HTR6: variants seen among roughly 807,000 people sequenced by gnomAD.
The protein encoded by HTR6 is 5-hydroxytryptamine receptor 6.
In HTR6, 15 loss-of-function variants were observed where a neutral mutation model predicts 17.4. The ratio of observed to expected loss-of-function variants is 0.86; its 90% CI spans 0.58 to 1.33. The LOEUF is 1.33. Ranked by LOEUF, HTR6 falls within the 40% of genes most tolerant of loss-of-function variation. The pLI, the probability that HTR6 is intolerant of heterozygous loss-of-function variation, is 0.00. For missense variants in HTR6, 578 were observed against 616.0 expected, an observed-to-expected ratio of 0.94 and a Z score of 0.65; for synonymous variants, 326 against 295.5, an observed-to-expected ratio of 1.10 and a Z score of -1.06.
intron 1 of HTR6, among the ~76,000 whole-genome samples, chr1:19,669,037 G>A (rs182724058): frequency 7.2e-5 from 11 of 152,314 alleles, no homozygotes; most frequent in Admixed American, 2.0e-4. Flanking sequence ...ATGGGCTGAC[G>A]TGCTCACTCT....
At position 19,665,963 on chromosome 1, in the gene HTR6, G is replaced by C. The variant is rs201400804; in HGVS notation, c.210G>C (p.Thr70=). ...TSNFFLVSLF[T]SDLMVGLVVM... is the part of the protein sequence containing the mutation. ...ACTTCTTCCTGGTGTCGCTCTTCAC[G>C]TCTGACCTGATGGTGGGGCTGGTGG... The change falls in exon 1 of 3, where the codon ACG becomes ACC. Residue 70 remains threonine (T), a synonymous_variant. Coordinates refer to ENST00000289753, the MANE Select transcript of HTR6 (RefSeq NM_000871.3). This position sits in a 1 kb window ranked among gnomAD's most constrained non-coding sequence, Gnocchi z 4.2. 6.2e-7 allele frequency: 1 copy of C among 1,613,924 alleles called. No homozygotes were observed. Among genetic ancestry groups the C allele is most frequent in the Non-Finnish European group, 8.5e-7 (1 of 1,179,890 alleles).
rs758952783 is a variant in HTR6, at chr1:19,679,121, G to GC, written c.1081dup (p.Arg361ProfsTer5). Reference sequence around the variant, plus strand: ...CCATCACTGCGCACCTCTCACAGCGGCCCCCGGCCCGGCCTTAGCCTACAG... The same window carrying GC: ...CCATCACTGCGCACCTCTCACAGCGGCCCCCCGGCCCGGCCTTAGCCTACAG... On this transcript the variant is annotated frameshift_variant, in exon 3 of 3. Coordinates refer to ENST00000289753, the MANE Select transcript of HTR6 (RefSeq NM_000871.3). LOFTEE classifies it low-confidence loss of function (END_TRUNC). The surrounding 1 kb of genome is among the most constrained non-coding windows in gnomAD (Gnocchi z 4.9). 2 of 1,611,800 alleles carry GC rather than the reference G, an allele frequency of 1.2e-6. No individual in the cohort carries two copies. The highest frequency in any genetic ancestry group is 2.2e-5 in the East Asian group (1 of 44,840).
rs1039684050 is a variant in HTR6, at chr1:19,666,584, T to C, written c.714+117T>C. The C allele has an allele frequency of 4.1e-6, 3 of 729,986 alleles. No homozygotes were observed. Among genetic ancestry groups the C allele is most frequent in the South Asian group, 3.8e-5 (2 of 53,200 alleles). 45.2% of individuals were successfully genotyped at this position (729,986 alleles called of 1,614,324 possible). On this transcript the variant is annotated intron_variant, in intron 1 of 2. Coordinates refer to ENST00000289753, the MANE Select transcript of HTR6 (RefSeq NM_000871.3). The surrounding 1 kb of genome is among the most constrained non-coding windows in gnomAD (Gnocchi z 4.5). ...TTTGCTCATGGCCCTGCGTGGCTGT[T>C]GTGAGCGCCCACCTTTCTTCTGAAC...
chr1:19,675,328 C>T (rs1437777318), intron 1 of HTR6, among the ~76,000 whole-genome samples: 1 of 152,114 alleles, frequency 6.6e-6, no homozygotes, highest in Non-Finnish European at 1.5e-5. Context: ...GTAGTAAGTG[C>T]TCGAGAAATG....
At position 19,666,358 on chromosome 1, in the gene HTR6, G is replaced by T. The variant is rs150139857; in HGVS notation, c.605G>T (p.Gly202Val). The change falls in exon 1 of 3, where the codon GGT becomes GTT. Residue 202 changes from glycine to valine, a missense_variant. Coordinates refer to ENST00000289753, the MANE Select transcript of HTR6 (RefSeq NM_000871.3). The surrounding 1 kb of genome is among the most constrained non-coding windows in gnomAD (Gnocchi z 4.5). The part of the protein sequence containing the change: ...ASGLTFFLPS[G>V]AICFTYCRIL... ...GGCCTCACCTTCTTCCTGCCCTCGGGTGCCATATGCTTCACCTACTGCAGG... is the reference window on the plus strand; with the variant it reads ...GGCCTCACCTTCTTCCTGCCCTCGGTTGCCATATGCTTCACCTACTGCAGG... The T allele has an allele frequency of 3.7e-6, 6 of 1,613,824 alleles. No individual in the cohort carries two copies. In the East Asian group the frequency reaches 1.3e-4, roughly 36 times the overall value.
At chr1:19,675,210 A>C (rs1356957727) in intron 1 of HTR6, among the ~76,000 whole-genome samples, 3 of 152,314 alleles carry the variant, frequency 2.0e-5, no homozygotes, top group African/African-American at 7.2e-5. Flanking sequence ...GACTTCTGGC[A>C]AGTCATTTTG....
At position 19,679,314 on chromosome 1, in the gene HTR6, C is replaced by T. The variant is rs541186147; in HGVS notation, c.1269C>T (p.Ile423=). ...CTGCCGCCGTCAATTTCTTCAACAT[C>T]GACCCCGCGGAGCCCGAGCTGCGGC... ...RAAAAVNFFN[I]DPAEPELRPH... Residue 423 remains isoleucine (I), a synonymous_variant, in exon 3 of 3, where the codon ATC becomes ATT. Transcript: ENST00000289753. The surrounding 1 kb of genome is among the most constrained non-coding windows in gnomAD (Gnocchi z 4.9). 17 of 1,608,120 alleles carry T rather than the reference C, an allele frequency of 1.1e-5. No individual in the cohort carries two copies. In the African/African-American group the frequency reaches 1.1e-4, roughly 10 times the overall value.
At chr1:19,671,057 G>A (rs1310021274) in intron 1 of HTR6, among the ~76,000 whole-genome samples, 1 of 152,172 alleles carries the variant, frequency 6.6e-6, no homozygotes, top group African/African-American at 2.4e-5. Flanking sequence ...GACCAACAGT[G>A]CCTGCCCTCT....
Position 19,680,236 on chromosome 1 carries a change from G to A in HTR6, c.*868G>A, listed in dbSNP as rs575698746. ...GGTACGTTCTGTTGTTACGACCCCC[G>A]GCTATCCAGCCCCCTGGCCTCTCCG... On this transcript the variant is annotated 3_prime_UTR_variant, in exon 3 of 3. Coordinates refer to ENST00000289753, the MANE Select transcript of HTR6 (RefSeq NM_000871.3). Among the ~76,000 whole-genome samples the A allele has an allele frequency of 9.8e-5, 15 of 152,298 alleles. No individual in the cohort carries two copies. Among genetic ancestry groups the A allele is most frequent in the South Asian group, 2.1e-4 (1 of 4,826 alleles).
In HTR6 at chr1:19,679,329, C is replaced by T. The variant is rs8192534; in HGVS notation, c.1284C>T (p.Pro428=). 21,247 of 1,601,358 alleles carry T rather than the reference C, an allele frequency of 0.013. 203 individuals are homozygous for T. The highest frequency in any genetic ancestry group is 0.028 in the East Asian group (1,235 of 44,590). ...VNFFNIDPAE[P]ELRPHPLGIP... The stretch of plus-strand genomic sequence containing the variant: ...TCTTCAACATCGACCCCGCGGAGCC[C>T]GAGCTGCGGCCGCATCCACTTGGCA... Residue 428 remains proline (P), a synonymous_variant, in exon 3 of 3, where the codon CCC becomes CCT. Coordinates refer to ENST00000289753, the MANE Select transcript of HTR6 (RefSeq NM_000871.3). The surrounding 1 kb of genome is among the most constrained non-coding windows in gnomAD (Gnocchi z 4.9).
At chr1:19,670,588 C>T (rs562611063) in intron 1 of HTR6, among the ~76,000 whole-genome samples, 1 of 152,014 alleles carries the variant, frequency 6.6e-6, no homozygotes, top group East Asian at 1.9e-4. Flanking sequence ...CCTCAGCCTC[C>T]GGAGTAGCTG....
chr1:19,679,153 C>T lies in HTR6; in HGVS notation c.1108C>T (p.Leu370=), dbSNP rs202099880. The T allele has an allele frequency of 6.2e-7, 1 of 1,603,356 alleles. No individual in the cohort carries two copies. The highest frequency in any genetic ancestry group is 8.5e-7 in the Non-Finnish European group (1 of 1,176,886). ...PRPGLSLQQV[L]PLPLPPDSDS... ...GCCCGGCCTTAGCCTACAGCAGGTG[C>T]TGCCGCTGCCCCTGCCGCCGGACTC... is the stretch of plus-strand genomic sequence containing the variant. The change falls in exon 3 of 3, where the codon CTG becomes TTG. Residue 370 remains leucine, a synonymous_variant. Transcript: ENST00000289753. The surrounding 1 kb of genome is among the most constrained non-coding windows in gnomAD (Gnocchi z 4.9).
chr1:19,669,976 G>A (rs147229000), intron 1 of HTR6, among the ~76,000 whole-genome samples: 113 of 152,134 alleles, frequency 7.4e-4, no homozygotes, highest in African/African-American at 2.5e-3. Context: ...TCAACCTTCC[G>A]CAGTGGCCCC....
rs201956269 is a variant in HTR6 at position 19,666,062 on chromosome 1, C to T, written c.309C>T (p.Thr103=). Residue 103 remains threonine (T), a synonymous_variant, in exon 1 of 3, where the codon ACC becomes ACT. Coordinates refer to ENST00000289753, the MANE Select transcript of HTR6 (RefSeq NM_000871.3). This position sits in a 1 kb window ranked among gnomAD's most constrained non-coding sequence, Gnocchi z 4.5. ...VLARGLCLLW[T]AFDVMCCSAS... Reference sequence around the variant, plus strand: ...CGCGCGGCCTCTGCCTGCTCTGGACCGCCTTCGACGTGATGTGCTGCAGCG... The same window carrying T: ...CGCGCGGCCTCTGCCTGCTCTGGACTGCCTTCGACGTGATGTGCTGCAGCG... 5.0e-6 allele frequency: 8 copies of T among 1,613,110 alleles called. No homozygotes were observed. Among genetic ancestry groups the T allele is most frequent in the African/African-American group, 1.3e-5 (1 of 74,938 alleles).
At chr1:19,670,630 A>AT (rs1255167816) in intron 1 of HTR6, among the ~76,000 whole-genome samples, 1 of 151,886 alleles carries the variant, frequency 6.6e-6, no homozygotes, top group Non-Finnish European at 1.5e-5. Context: ...CACCGGGCTA[A>AT]TTTTTTGTAT....
At chr1:19,674,465 GGT>G (rs2095091941) in intron 1 of HTR6, among the ~76,000 whole-genome samples, 1 of 148,200 alleles carries the variant, frequency 6.7e-6, no homozygotes, top group Admixed American at 6.7e-5. Context: ...GGAGTGTGGT[GGT>G]GTGATCTCGG....
chr1:19,667,388 G>T (rs1247570000), intron 1 of HTR6, among the ~76,000 whole-genome samples: 1 of 152,026 alleles, frequency 6.6e-6, no homozygotes, highest in Non-Finnish European at 1.5e-5. Context: ...CACATATTGA[G>T]ATCAGTTTTT....
In HTR6 at chr1:19,666,108, C is replaced by A; in HGVS notation, c.355C>A (p.Leu119Ile). 2 of 1,612,586 alleles carry A rather than the reference C, an allele frequency of 1.2e-6. No homozygotes were observed. The highest frequency in any genetic ancestry group is 3.3e-5 in the Admixed American group (2 of 60,036). The change falls in exon 1 of 3, where the codon CTC (leucine) becomes ATC (isoleucine). Residue 119 changes from leucine to isoleucine, a missense_variant. Coordinates refer to ENST00000289753, the MANE Select transcript of HTR6 (RefSeq NM_000871.3). The surrounding 1 kb of genome is among the most constrained non-coding windows in gnomAD (Gnocchi z 4.5). ...CAGCGCCTCCATCCTCAACCTCTGC[C>A]TCATCAGCCTGGACCGCTACCTGCT... is the stretch of plus-strand genomic sequence containing the variant. ...CCSASILNLC[L>I]ISLDRYLLIL...
At chr1:19,678,862 G>C (rs1167994330) in intron 2 of HTR6, 57 bp from the exon 3 acceptor site, 10 of 1,559,862 alleles carry the variant, frequency 6.4e-6, no homozygotes, top group Non-Finnish European at 8.7e-6. Flanking sequence ...TACATGCTGG[G>C]AAGGGTGGCC....
Sources: gnomAD v4.1 joint callset for allele counts (sites outside exome capture counted in the v4.1 genomes callset) on GRCh38, gnomAD v4.1.1 for gene constraint, Gnocchi (gnomAD v3.1) non-coding constraint, MANE v1.5 for transcripts, NCBI Gene and HGNC (gene_info 2026-07-23, HGNC 2026-07-21) for gene names.